The following PHYHIPL variants were observed in gnomAD, a reference collection of about 807,000 sequenced individuals.
PHYHIPL encodes phytanoyl-CoA 2-hydroxylase interacting protein like.
PHYHIPL carries 9 observed loss-of-function variants against 33.4 expected under a neutral mutation model. The observed-to-expected ratio is 0.27, with a 90% CI of 0.16 to 0.47. The LOEUF is 0.47. PHYHIPL is among the 20% of genes least tolerant of loss of function. The pLI is 0.99. For missense variants in PHYHIPL, 365 were observed against 460.7 expected (o/e 0.79, Z 1.90); for synonymous variants, 153 against 154.1 (o/e 0.99, Z 0.05).
intron 1 of PHYHIPL, among the ~76,000 whole-genome samples, chr10:59,226,942 A>G (rs1839944226): frequency 6.6e-6 from 1 of 152,202 alleles, no homozygotes; most frequent in Non-Finnish European, 1.5e-5. Context: ...AATGTAAGTT[A>G]AATACTCCTA....
intron 1 of PHYHIPL, among the ~76,000 whole-genome samples, chr10:59,219,798 C>T (rs369776101): frequency 2.6e-5 from 4 of 152,086 alleles, no homozygotes; most frequent in Non-Finnish European, 4.4e-5. Flanking sequence ...TTCCCTAAGG[C>T]AGGTTTAGAA....
chr10:59,183,694 T>G (rs765513318), intron 1 of PHYHIPL: 1 of 983,996 alleles, frequency 1.0e-6, no homozygotes, highest in African/African-American at 1.7e-5. Context: ...ACCAAGAACG[T>G]CATACTTGGA....
At chr10:59,234,141 T>C (rs1436678110) in intron 1 of PHYHIPL, among the ~76,000 whole-genome samples, 163 bp from the exon 2 acceptor site, 1 of 151,844 alleles carries the variant, frequency 6.6e-6, no homozygotes, top group Non-Finnish European at 1.5e-5. Context: ...TCAGTGTTTT[T>C]GTGTTCACTC....
chr10:59,174,016 A>G (rs941957867), upstream of PHYHIPL, among the ~76,000 whole-genome samples: 3 of 133,902 alleles, frequency 2.2e-5, no homozygotes, highest in Non-Finnish European at 1.5e-5. Flanking sequence ...AACTTACAGC[A>G]CTCTGGAAAG....
At chr10:59,209,725 A>T (rs1247112450) in intron 1 of PHYHIPL, among the ~76,000 whole-genome samples, 1 of 152,234 alleles carries the variant, frequency 6.6e-6, no homozygotes, top group East Asian at 1.9e-4. Context: ...ACAGATATGT[A>T]GACCAGTGGA....
chr10:59,237,803 T>C (rs545488476), intron 3 of PHYHIPL, among the ~76,000 whole-genome samples: 1 of 152,066 alleles, frequency 6.6e-6, no homozygotes, highest in East Asian at 1.9e-4. Flanking sequence ...TAAATCATTA[T>C]TGTACATATA....
At chr10:59,230,713 A>T (rs573620587) in intron 1 of PHYHIPL, among the ~76,000 whole-genome samples, 177 of 152,274 alleles carry the variant, frequency 1.2e-3, no homozygotes, top group African/African-American at 4.1e-3. Context: ...CATGTGCCCA[A>T]GGTGGTCAGG....
intron 1 of PHYHIPL, among the ~76,000 whole-genome samples, chr10:59,185,598 A>C (rs7084967): frequency 0.25 from 37,836 of 151,982 alleles, 6,769 homozygotes; most frequent in African/African-American, 0.5. Context: ...AAAAGTGTTC[A>C]TATTTCTCCA....
At chr10:59,199,322 C>A (rs996085907) in intron 1 of PHYHIPL, among the ~76,000 whole-genome samples, 1 of 152,066 alleles carries the variant, frequency 6.6e-6, no homozygotes, top group Non-Finnish European at 1.5e-5. Context: ...GAATCCTTTC[C>A]CCATTTCTTG....
At chr10:59,243,973 T>A (rs948150910) in intron 4 of PHYHIPL, among the ~76,000 whole-genome samples, 1 of 152,114 alleles carries the variant, frequency 6.6e-6, no homozygotes, top group African/African-American at 2.4e-5. Flanking sequence ...TAGTCAGAGA[T>A]ACATAGTTAT....
At chr10:59,221,631 G>A (rs1839779557) in intron 1 of PHYHIPL, 17 of 970,766 alleles carry the variant, frequency 1.8e-5, no homozygotes, top group Non-Finnish European at 2.0e-5. Flanking sequence ...TGCTTCTCAT[G>A]TCAGTGGAAT....
upstream of PHYHIPL, among the ~76,000 whole-genome samples, chr10:59,175,861 TA>T (rs538467925): frequency 1.0e-3 from 157 of 152,358 alleles, no homozygotes; most frequent in African/African-American, 3.6e-3. Context: ...ACTTATTTGC[TA>T]CGCGCATGAA....
Position 59,213,591 on chromosome 10 carries a change from C to T in PHYHIPL, c.107-20713C>T, listed in dbSNP as rs530790143. Reference sequence around the variant, plus strand: ...GGAGTCAGTTACTAGGGATAGTAGTCAAAACTTTGGTGATTATAATCAGGA... The same window carrying T: ...GGAGTCAGTTACTAGGGATAGTAGTTAAAACTTTGGTGATTATAATCAGGA... On this transcript the variant is annotated intron_variant, in intron 1 of 4. Coordinates refer to ENST00000373880, the MANE Select transcript of PHYHIPL (RefSeq NM_032439.4). Among the ~76,000 whole-genome samples, 38 of 152,158 alleles carry T rather than the reference C, an allele frequency of 2.5e-4. No homozygotes were observed. In the South Asian group the frequency reaches 7.7e-3, roughly 31 times the overall value.
In PHYHIPL at chr10:59,245,651, G is replaced by C. The variant is rs1405695421; in HGVS notation, c.*60G>C. On this transcript the variant is annotated 3_prime_UTR_variant, in exon 5 of 5. Coordinates refer to ENST00000373880, the MANE Select transcript of PHYHIPL (RefSeq NM_032439.4). ...CCTCCCTTAGGAGCATTGGTCCTCT[G>C]TTGTCCATTTTTATCACCAGATGTT... 1.7e-5 allele frequency: 25 copies of C among 1,491,226 alleles called. No homozygotes were observed. The East Asian group carries it at 5.2e-4, about 31-fold the overall frequency. The allele number at this position is 1,491,226 out of a possible 1,614,324, so 92.4% of individuals were successfully genotyped here.
chr10:59,202,515 G>A (rs962552507), intron 1 of PHYHIPL, among the ~76,000 whole-genome samples: 1 of 152,242 alleles, frequency 6.6e-6, no homozygotes, highest in Admixed American at 6.5e-5. Flanking sequence ...TTTGCTGAAT[G>A]ACTTGGGTAA....
rs1320378145 is a variant in PHYHIPL, at chr10:59,247,436, C to T, written c.*1845C>T. The T allele has an allele frequency of 1.4e-5, 10 of 695,766 alleles. No homozygotes were observed. The highest frequency in any genetic ancestry group is 3.9e-5 in the South Asian group (2 of 51,556). 43.1% of individuals were successfully genotyped at this position (695,766 alleles called of 1,614,324 possible). On this transcript the variant is annotated 3_prime_UTR_variant, in exon 5 of 5. Coordinates refer to ENST00000373880, the MANE Select transcript of PHYHIPL (RefSeq NM_032439.4). ...TGGCTACCTGTTGTATTCTTCCCCC[C>T]GTTTAAATCCCTTCTCCTTGTATAT...
At chr10:59,193,472 G>T (rs1838833247) in intron 1 of PHYHIPL, among the ~76,000 whole-genome samples, 2 of 152,064 alleles carry the variant, frequency 1.3e-5, no homozygotes, top group South Asian at 4.1e-4. Context: ...GAAGCCTAAA[G>T]AAAAATTAAA....
intron 1 of PHYHIPL, among the ~76,000 whole-genome samples, chr10:59,194,046 A>G (rs1387809033): frequency 6.6e-6 from 1 of 150,376 alleles, no homozygotes; most frequent in Non-Finnish European, 1.5e-5. Context: ...TTTGTTTTGC[A>G]CTATGTATTG....
upstream of PHYHIPL, among the ~76,000 whole-genome samples, chr10:59,175,703 G>A (rs1401664699): frequency 6.6e-6 from 1 of 152,156 alleles, no homozygotes; most frequent in Non-Finnish European, 1.5e-5. Context: ...AAATCAATGG[G>A]CATACAAGTT....
Sources: allele counts gnomAD v4.1 joint callset (sites outside exome capture counted in the v4.1 genomes callset), GRCh38; gene constraint gnomAD v4.1.1; transcripts MANE v1.5; gene names NCBI Gene and HGNC (gene_info 2026-07-23, HGNC 2026-07-21).